The following NISCH variants were observed in gnomAD, a reference collection of about 807,000 sequenced individuals.
The protein encoded by NISCH is nischarin.
In NISCH, 55 loss-of-function variants were observed where a neutral mutation model predicts 138.4. That is an observed-to-expected ratio of 0.40 (90% CI 0.32 to 0.50). NISCH has a LOEUF of 0.50. Among genes scored for constraint, NISCH ranks in the 20% least tolerant of loss-of-function variants. The probability of loss-of-function intolerance (pLI) is 0.71; values close to 1 mark genes in which losing one functional copy is unlikely to be tolerated. For synonymous variants in NISCH, 860 were observed against 861.5 expected (o/e 1.00, Z 0.03); for missense variants, 1,643 against 2,005.5 (o/e 0.82, Z 3.45).
At position 52,490,211 on chromosome 3, in the gene NISCH, A is replaced by G. The variant is rs772098897; in HGVS notation, c.3593A>G (p.Tyr1198Cys). 2 of 1,612,806 alleles carry G rather than the reference A, an allele frequency of 1.2e-6. No individual in the cohort carries two copies. The highest frequency in any genetic ancestry group is 2.7e-5 in the African/African-American group (2 of 74,914). Residue 1198 changes from tyrosine to cysteine, a missense_variant, in exon 18 of 21, where the codon TAC becomes TGC. By Grantham distance (194) the Tyr-to-Cys change is radical (BLOSUM62 -2). Transcript: ENST00000345716. ...GTGCTCCACGACGGCCTCCGCCGCT[A>G]CTTCTCAGAGCCACTGCAGGGTAGG... ...YFVLHDGLRR[Y>C]FSEPLQDFWH...
intron 4 of NISCH, 85 bp downstream of exon 4, chr3:52,470,992 C>G: frequency 7.1e-7 from 1 of 1,406,302 alleles, no homozygotes; most frequent in South Asian, 1.2e-5. Flanking sequence ...GCATAGAAGT[C>G]ACTCTGGAGC....
At chr3:52,484,103 CT>C (rs1424409736) in intron 13 of NISCH, 27 of 169,654 alleles carry the variant, frequency 1.6e-4, no homozygotes, top group Non-Finnish European at 1.3e-5. Context: ...CCAACCTTCC[CT>C]CATTTTTGTA....
At chr3:52,466,374 G>T (rs941689563) in intron 3 of NISCH, among the ~76,000 whole-genome samples, 1 of 152,054 alleles carries the variant, frequency 6.6e-6, no homozygotes, top group African/African-American at 2.4e-5. Context: ...GACCAGCCTG[G>T]CCAACATGGT....
At chr3:52,491,794 T>C (rs1424694790) in intron 20 of NISCH, 78 bp from the exon 21 acceptor site, 1 of 1,498,354 alleles carries the variant, frequency 6.7e-7, no homozygotes, top group African/African-American at 1.4e-5. Flanking sequence ...GGTCTCTCGG[T>C]TGGCTTGGGG....
chr3:52,481,492 C>T (rs1707270815), intron 13 of NISCH: 1 of 985,480 alleles, frequency 1.0e-6, no homozygotes, highest in South Asian at 4.7e-5. Flanking sequence ...GAGGTTATAT[C>T]ACGGTGAGAA....
intron 16 of NISCH, 22 bp from the exon 17 acceptor site, chr3:52,489,314 T>A (rs750519562): frequency 2.1e-5 from 33 of 1,601,188 alleles, no homozygotes; most frequent in African/African-American, 2.7e-5. Flanking sequence ...GCTGTTAATA[T>A]GGTGTTTTTC....
intron 19 of NISCH, 118 bp from the exon 20 acceptor site, chr3:52,491,234 G>T: frequency 7.0e-7 from 1 of 1,427,532 alleles, no homozygotes. Flanking sequence ...TCCTGTGTGG[G>T]CCCTCCTGGC....
chr3:52,469,720 G>T (rs947494329), intron 3 of NISCH, among the ~76,000 whole-genome samples: 1 of 152,096 alleles, frequency 6.6e-6, no homozygotes, highest in African/African-American at 2.4e-5. Flanking sequence ...TTTGAGATCA[G>T]CCTGGCCAAC....
chr3:52,480,599 T>C, intron 13 of NISCH: 1 of 1,431,468 alleles, frequency 7.0e-7, no homozygotes, highest in Non-Finnish European at 9.1e-7. Context: ...CTCGGGGCTG[T>C]TGGCTCATGG....
chr3:52,489,929 C>T (rs1707515910), intron 17 of NISCH, 146 bp from the exon 18 acceptor site: 2 of 1,241,516 alleles, frequency 1.6e-6, no homozygotes, highest in Non-Finnish European at 2.2e-6. Flanking sequence ...TCTCCCACCC[C>T]TCTCTTCCTC....
In NISCH at chr3:52,455,727, C is replaced by T; in HGVS notation, c.86C>T (p.Thr29Ile). 2 of 1,363,514 alleles carry T rather than the reference C, an allele frequency of 1.5e-6. No individual in the cohort carries two copies. The highest frequency in any genetic ancestry group is 1.9e-6 in the Non-Finnish European group (2 of 1,047,572). The allele number at this position is 1,363,514 out of a possible 1,614,324, so 84.5% of individuals were successfully genotyped here. A position where few individuals can be genotyped will look rare whatever the true frequency, so the allele number is the denominator to read the frequency against. ...ARVVGSELVD[T>I]YTVYIIQVTD... ...GTCGTGGGCTCGGAGCTTGTGGACA[C>T]TTATACGGTGTGTTGGGGGCGCGGG... Residue 29 changes from threonine to isoleucine, a missense_variant, in exon 1 of 21, where the codon ACT (threonine) becomes ATT (isoleucine). Transcript: ENST00000345716.
chr3:52,470,947 G>A lies in NISCH; in HGVS notation c.409+40G>A, dbSNP rs188379788. The A allele has an allele frequency of 9.8e-4, 1,581 of 1,610,628 alleles. 1 individual carries two copies. The highest frequency in any genetic ancestry group is 2.4e-3 in the Admixed American group (144 of 60,020). On this transcript the variant is annotated intron_variant, in intron 4 of 20. Coordinates refer to ENST00000345716, the MANE Select transcript of NISCH (RefSeq NM_007184.4). ...GTCCCTGAAATACTGAGCATAAGTT[G>A]TGTAGTTTTATGAGGCGGCCAGAGG...
rs757773420 is a variant in NISCH, at chr3:52,489,552, C to T, written c.3330C>T (p.His1110=). The T allele has an allele frequency of 6.2e-7, 1 of 1,613,264 alleles. No homozygotes were observed. The highest frequency in any genetic ancestry group is 1.1e-5 in the South Asian group (1 of 91,086). The change falls in exon 17 of 21, where the codon CAC becomes CAT. Residue 1110 remains histidine, a synonymous_variant. Coordinates refer to ENST00000345716, the MANE Select transcript of NISCH (RefSeq NM_007184.4). ...CCCCTGCCCAGTACCCGAGTGAGCA[C>T]CTCATCCAGGCCACCTCGGAGGAGA... ...AEAPAQYPSE[H]LIQATSEENQ...
chr3:52,456,514 G>A (rs1199589120), intron 1 of NISCH, among the ~76,000 whole-genome samples: 1 of 152,200 alleles, frequency 6.6e-6, no homozygotes, highest in East Asian at 1.9e-4. Flanking sequence ...TGTGAGCCTG[G>A]TGGGCTGCCT....
In NISCH at chr3:52,464,119, G is replaced by A. The variant is rs550418954; in HGVS notation, c.360+5275G>A. On this transcript the variant is annotated intron_variant, in intron 3 of 20. Coordinates refer to ENST00000345716, the MANE Select transcript of NISCH (RefSeq NM_007184.4). Reference sequence around the variant, plus strand: ...GTCTTTTTAAAAATCAGATTGGGCCGGGCGCGGGTGGCTCATGCCTGTAAT... The same window carrying A: ...GTCTTTTTAAAAATCAGATTGGGCCAGGCGCGGGTGGCTCATGCCTGTAAT... Among the ~76,000 whole-genome samples the A allele has an allele frequency of 5.3e-5, 8 of 151,898 alleles. No homozygotes were observed. The South Asian group carries it at 8.3e-4, about 16-fold the overall frequency.
At position 52,492,192 on chromosome 3, in the gene NISCH, G is replaced by A. The variant is rs144348444; in HGVS notation, c.4225G>A (p.Asp1409Asn). 3.1e-6 allele frequency: 5 copies of A among 1,612,974 alleles called. No individual in the cohort carries two copies. Among genetic ancestry groups the A allele is most frequent in the Non-Finnish European group, 4.2e-6 (5 of 1,180,038 alleles). The change falls in exon 21 of 21, where the codon GAT (aspartate) becomes AAT (asparagine). Residue 1409 changes from aspartate to asparagine, a missense_variant. By Grantham distance (23) the Asp-to-Asn change is conservative (BLOSUM62 1). Transcript: ENST00000345716. ...GCAGAGAGACAGGTACCGGCTGGAC[G>A]ATGGCCGCCGCGTCCGGGACCTGGA... ...PPQRDRYRLD[D>N]GRRVRDLDRV...
chr3:52,455,723 G>T lies in NISCH; in HGVS notation c.82G>T (p.Asp28Tyr). Residue 28 changes from aspartate (D) to tyrosine (Y), a missense_variant, in exon 1 of 21, where the codon GAC becomes TAC. Coordinates refer to ENST00000345716, the MANE Select transcript of NISCH (RefSeq NM_007184.4). ...GCGCGTCGTGGGCTCGGAGCTTGTG[G>T]ACACTTATACGGTGTGTTGGGGGCG... ...EARVVGSELV[D>Y]TYTVYIIQVT... The T allele has an allele frequency of 7.3e-7, 1 of 1,367,544 alleles. No individual in the cohort carries two copies. The highest frequency in any genetic ancestry group is 2.0e-5 in the South Asian group (1 of 49,258). The allele number at this position is 1,367,544 out of a possible 1,614,324, so 84.7% of individuals were successfully genotyped here. A position where few individuals can be genotyped will look rare whatever the true frequency, so the allele number is the denominator to read the frequency against.
chr3:52,457,861 A>G lies in NISCH; in HGVS notation c.112A>G (p.Thr38Ala). 6.2e-7 allele frequency: 1 copy of G among 1,612,062 alleles called. No individual in the cohort carries two copies. Among genetic ancestry groups the G allele is most frequent in the Non-Finnish European group, 8.5e-7 (1 of 1,178,312 alleles). ...DTYTVYIIQV[T>A]DGSHEWTVKH... The stretch of plus-strand genomic sequence containing the variant: ...CTTTTAGGTTTACATCATCCAGGTC[A>G]CTGATGGCAGCCATGAGTGGACAGT... The change falls in exon 2 of 21, where the codon ACT (threonine) becomes GCT (alanine). Residue 38 changes from threonine to alanine, a missense_variant. Transcript: ENST00000345716.
Position 52,487,224 on chromosome 3 carries a change from G to C in NISCH, c.1732G>C (p.Val578Leu). ...SPEHAEPEVQ[V>L]VPGSGQIIFL... is the part of the protein sequence containing the mutation. ...AGAACATGCCGAGCCGGAGGTCCAG[G>C]TGGTGCCGGGGTCTGGCCAGATCAT... The change falls in exon 16 of 21, where the codon GTG becomes CTG. Residue 578 changes from valine (V) to leucine (L), a missense_variant. By Grantham distance (32) the Val-to-Leu change is conservative (BLOSUM62 1). Coordinates refer to ENST00000345716, the MANE Select transcript of NISCH (RefSeq NM_007184.4). The surrounding 1 kb of genome is among the most constrained non-coding windows in gnomAD (Gnocchi z 9.1). The C allele has an allele frequency of 6.2e-7, 1 of 1,614,104 alleles. No homozygotes were observed. Among genetic ancestry groups the C allele is most frequent in the Non-Finnish European group, 8.5e-7 (1 of 1,180,036 alleles).
Sources: allele counts gnomAD v4.1 joint callset (sites outside exome capture counted in the v4.1 genomes callset), GRCh38; gene constraint gnomAD v4.1.1; non-coding constraint Gnocchi (gnomAD v3.1); transcripts MANE v1.5; gene names NCBI Gene and HGNC (gene_info 2026-07-23, HGNC 2026-07-21).